TTC7A: variants seen among roughly 807,000 people sequenced by gnomAD.
TTC7A encodes the protein tetratricopeptide repeat domain 7A, also known as tetratricopeptide repeat protein 7A.
In TTC7A, 110 loss-of-function variants were observed where a neutral mutation model predicts 103.7. The observed-to-expected ratio is 1.06, with a 90% CI of 0.91 to 1.24. The LOEUF is 1.24. TTC7A is among the 50% of genes most tolerant of loss of function. The probability of loss-of-function intolerance (pLI) is 0.00; values close to 1 mark genes in which losing one functional copy is unlikely to be tolerated. For missense variants in TTC7A, 1,340 were observed against 1,116.3 expected, an observed-to-expected ratio of 1.20 and a Z score of -2.86; for synonymous variants, 521 against 467.9, an observed-to-expected ratio of 1.11 and a Z score of -1.47.
chr2:46,941,033 T>C (rs1670288412), upstream of TTC7A: 1 of 149,222 alleles, frequency 6.7e-6, no homozygotes, highest in Non-Finnish European at 1.5e-5. This position sits in a 1 kb window ranked among gnomAD's most constrained non-coding sequence, Gnocchi z 4.2. Flanking sequence ...GAGCTCCGAC[T>C]CCGCGGCGGG....
At chr2:46,964,081 A>C (rs539929922) in intron 3 of TTC7A, among the ~76,000 whole-genome samples, 1 of 152,210 alleles carries the variant, frequency 6.6e-6, no homozygotes, top group African/African-American at 2.4e-5. Context: ...CAGTAGTTGC[A>C]GGGTCAGGCT....
rs1408842899 is a variant in TTC7A at position 46,951,649 on chromosome 2, G to A, written c.348+1123G>A. On this transcript the variant is annotated intron_variant, in intron 2 of 19. Transcript: ENST00000319190. ...TGGTCTCCAACTCCTGGGCTCAAGCGATCCTCCTACTTCAGCCTCCCGAAG... is the reference window on the plus strand; with the variant it reads ...TGGTCTCCAACTCCTGGGCTCAAGCAATCCTCCTACTTCAGCCTCCCGAAG... The A allele has an allele frequency of 7.0e-5, 32 of 456,202 alleles. No homozygotes were observed. In the East Asian group the frequency reaches 1.6e-3, roughly 23 times the overall value. The allele number at this position is 456,202 out of a possible 1,614,324, so 28.3% of individuals were successfully genotyped here.
intron 15 of TTC7A, among the ~76,000 whole-genome samples, chr2:47,030,108 G>A (rs998242009): frequency 3.9e-5 from 6 of 152,208 alleles, no homozygotes; most frequent in African/African-American, 1.4e-4. Context: ...TCAGAACCCT[G>A]TGATCCCAGA....
intron 19 of TTC7A, among the ~76,000 whole-genome samples, chr2:47,064,213 C>T (rs563510979): frequency 3.3e-5 from 5 of 152,332 alleles, no homozygotes; most frequent in South Asian, 2.1e-4. Flanking sequence ...TGCTGGCTGC[C>T]GTCTGTGCCA....
At position 46,941,523 on chromosome 2, in the gene TTC7A, T is replaced by A; in HGVS notation, c.-19T>A. 6.5e-7 allele frequency: 1 copy of A among 1,550,344 alleles called. No homozygotes were observed. The highest frequency in any genetic ancestry group is 1.2e-5 in the South Asian group (1 of 84,100). On this transcript the variant is annotated 5_prime_UTR_variant, in exon 1 of 20. It removes an upstream start codon present in the reference 5' UTR. Coordinates refer to ENST00000319190, the MANE Select transcript of TTC7A (RefSeq NM_020458.4). This position sits in a 1 kb window ranked among gnomAD's most constrained non-coding sequence, Gnocchi z 4.2. ...CTCCACTTCTTGGCCGCACCTTCCA[T>A]GACAGCGCCCGCGAGAAGATGGCTG...
chr2:46,973,460 G>T (rs186085764), intron 3 of TTC7A, among the ~76,000 whole-genome samples: 1 of 152,218 alleles, frequency 6.6e-6, no homozygotes, highest in South Asian at 2.1e-4. Context: ...CCTCAGTGCC[G>T]AGTGCGGCGG....
intron 17 of TTC7A, among the ~76,000 whole-genome samples, 173 bp from the exon 18 acceptor site, chr2:47,051,573 A>G (rs1006161475): frequency 3.3e-5 from 5 of 152,206 alleles, no homozygotes; most frequent in Non-Finnish European, 7.3e-5. Context: ...GTGAGAGGAC[A>G]TAGTGGGCCC....
chr2:46,960,079 C>T (rs1427019558), intron 3 of TTC7A, among the ~76,000 whole-genome samples: 1 of 152,200 alleles, frequency 6.6e-6, no homozygotes, highest in African/African-American at 2.4e-5. Context: ...ATTTGAGTCA[C>T]ACATGTGCTC....
At chr2:46,973,232 G>A (rs1269198749) in intron 3 of TTC7A, among the ~76,000 whole-genome samples, 1 of 152,212 alleles carries the variant, frequency 6.6e-6, no homozygotes, top group Admixed American at 6.5e-5. Flanking sequence ...GTGAAGGGAA[G>A]GGGAGAAACT....
chr2:46,929,545 A>G (rs7604228), intron 2 of TTC7A, among the ~76,000 whole-genome samples: 22,945 of 152,210 alleles, frequency 0.15, 2,701 homozygotes, highest in African/African-American at 0.33. Flanking sequence ...GTCAAATAAG[A>G]TATCATAAAG....
In TTC7A at chr2:47,016,455, G is replaced by T. The variant is rs111549168; in HGVS notation, c.1392+5020G>T. 3.3e-5 allele frequency among the ~76,000 whole-genome samples: 5 copies of T among 152,346 alleles called. 1 individual carries two copies. Among genetic ancestry groups the T allele is most frequent in the African/African-American group, 1.2e-4 (5 of 41,576 alleles). On this transcript the variant is annotated intron_variant, in intron 11 of 19. Coordinates refer to ENST00000319190, the MANE Select transcript of TTC7A (RefSeq NM_020458.4). ...ACCAATGCCATCAGGTAGCTGTGGTGCTGTGAAAATGCCAGGGGAGCCCCT... is the reference window on the plus strand; with the variant it reads ...ACCAATGCCATCAGGTAGCTGTGGTTCTGTGAAAATGCCAGGGGAGCCCCT...
chr2:47,030,349 A>C (rs536850053), intron 15 of TTC7A, among the ~76,000 whole-genome samples: 59 of 152,026 alleles, frequency 3.9e-4, no homozygotes, highest in African/African-American at 1.4e-3. Context: ...GGTTCCCATC[A>C]CTGGGCTTTC....
rs115376596 is a variant in TTC7A at position 47,005,412 on chromosome 2, A to G, written c.1066-510A>G. 5.3e-3 allele frequency among the ~76,000 whole-genome samples: 806 copies of G among 152,228 alleles called. 9 individuals are homozygous for G. Among genetic ancestry groups the G allele is most frequent in the African/African-American group, 0.018 (750 of 41,524 alleles). Reference sequence around the variant, plus strand: ...TCTTGCTGTAATTGTGAGAATTGCAAACACACCAGGGACTGTTCCATAAAA... The same window carrying G: ...TCTTGCTGTAATTGTGAGAATTGCAGACACACCAGGGACTGTTCCATAAAA... On this transcript the variant is annotated intron_variant, in intron 8 of 19. Transcript: ENST00000319190.
rs532143032 is a variant in TTC7A at position 47,066,847 on chromosome 2, T to C, written c.2355+5876T>C. Among the ~76,000 whole-genome samples, 38 of 152,340 alleles carry C rather than the reference T, an allele frequency of 2.5e-4. 1 individual carries two copies. The highest frequency in any genetic ancestry group is 8.7e-4 in the African/African-American group (36 of 41,588). ...CTGGGATTACAGGCATGAGCCACCATGTGTGGCCTTTTTAAAAAATATATT... is the reference window on the plus strand; with the variant it reads ...CTGGGATTACAGGCATGAGCCACCACGTGTGGCCTTTTTAAAAAATATATT... On this transcript the variant is annotated intron_variant, in intron 19 of 19. Coordinates refer to ENST00000319190, the MANE Select transcript of TTC7A (RefSeq NM_020458.4).
chr2:47,065,800 A>T (rs548848449), intron 19 of TTC7A: 30 of 151,138 alleles, frequency 2.0e-4, no homozygotes, highest in African/African-American at 7.0e-4. Flanking sequence ...GAGTGTGGAC[A>T]CTTTGGTGCA....
rs35753980 is a variant in TTC7A at position 47,059,009 on chromosome 2, C to CTTTTTTTTTTTTTTTTT, written c.2153-1746_2153-1730dup. Among the ~76,000 whole-genome samples, 4 of 44,718 alleles carry CTTTTTTTTTTTTTTTTT rather than the reference C, an allele frequency of 8.9e-5. 2 individuals carry two copies. The highest frequency in any genetic ancestry group is 4.8e-4 in the African/African-American group (4 of 8,318). The allele number at this position is 44,718 out of a possible 152,430, so 29.3% of individuals were successfully genotyped here. A position where few individuals can be genotyped will look rare whatever the true frequency, so the allele number is the denominator to read the frequency against. On this transcript the variant is annotated intron_variant, in intron 18 of 19. Transcript: ENST00000319190. ...GTGGGGTCCTCACCTCCTAAGCCTG[C>CTTTTTTTTTTTTTTTTT]TTTTTTTTTTTTTTTTTTTTTTTTT...
chr2:46,941,886 G>T lies in TTC7A; in HGVS notation c.184+161G>T. ...GGGCAGTTAGGAAGGTCCTTCTGCC[G>T]CGAGAGAAAAATCACATGTGGTTTG... On this transcript the variant is annotated intron_variant, in intron 1 of 19. Coordinates refer to ENST00000319190, the MANE Select transcript of TTC7A (RefSeq NM_020458.4). This position sits in a 1 kb window ranked among gnomAD's most constrained non-coding sequence, Gnocchi z 4.2. 2 of 886,704 alleles carry T rather than the reference G, an allele frequency of 2.3e-6. No individual in the cohort carries two copies. The highest frequency in any genetic ancestry group is 3.4e-6 in the Non-Finnish European group (2 of 584,776). 54.9% of individuals were successfully genotyped at this position (886,704 alleles called of 1,614,324 possible).
chr2:47,029,611 C>T (rs368518542), intron 15 of TTC7A, among the ~76,000 whole-genome samples: 57 of 152,334 alleles, frequency 3.7e-4, no homozygotes, highest in African/African-American at 1.3e-3. Flanking sequence ...GCACATGCTG[C>T]TCCTCAGCCC....
chr2:46,946,846 C>A (rs1670985958), intron 1 of TTC7A, among the ~76,000 whole-genome samples: 1 of 152,050 alleles, frequency 6.6e-6, no homozygotes, highest in Non-Finnish European at 1.5e-5. Flanking sequence ...AGAGGTAGGG[C>A]AGGGAGAGGA....
Sources: gnomAD v4.1 joint callset for allele counts (sites outside exome capture counted in the v4.1 genomes callset) on GRCh38, gnomAD v4.1.1 for gene constraint, Gnocchi (gnomAD v3.1) non-coding constraint, MANE v1.5 for transcripts, NCBI Gene and HGNC (gene_info 2026-07-23, HGNC 2026-07-21) for gene names.